Variants in CFAP54 observed in about 807,000 individuals in gnomAD.
CFAP54 encodes cilia and flagella associated protein 54.
Under a neutral mutation model 370.4 loss-of-function variants are expected in CFAP54, and 290 were observed. The observed-to-expected ratio is 0.78, with a 90% CI of 0.71 to 0.86. The LOEUF is 0.86. Among genes scored for constraint, CFAP54 ranks in the 40% least tolerant of loss-of-function variants. The probability of loss-of-function intolerance (pLI) is 0.00; values close to 1 mark genes in which losing one functional copy is unlikely to be tolerated. For synonymous variants in CFAP54, 1,206 were observed against 1,236.5 expected, an observed-to-expected ratio of 0.98 and a Z score of 0.52; for missense variants, 3,399 against 3,528.7, an observed-to-expected ratio of 0.96 and a Z score of 0.93.
chr12:96,556,373 TATTTGCA>T (rs2136402773), intron 17 of CFAP54, among the ~76,000 whole-genome samples: 1 of 151,544 alleles, frequency 6.6e-6, no homozygotes, highest in Non-Finnish European at 1.5e-5. Flanking sequence ...CTAGGAGAAA[TATTTGCA>T]ATTTATATTT....
intron 2 of CFAP54, among the ~76,000 whole-genome samples, chr12:96,503,227 T>C (rs558960964): frequency 1.5e-5 from 2 of 133,984 alleles, no homozygotes; most frequent in African/African-American, 5.6e-5. Context: ...TCCTTTTTTT[T>C]CCTTCCTTTC....
intron 9 of CFAP54, among the ~76,000 whole-genome samples, chr12:96,530,933 G>A (rs1312083051): frequency 1.3e-5 from 2 of 152,134 alleles, no homozygotes; most frequent in African/African-American, 4.8e-5. Context: ...GGCTAAAGAT[G>A]TTAAACAGTT....
At chr12:96,746,936 G>A (rs926112249) in intron 55 of CFAP54, among the ~76,000 whole-genome samples, 8 of 152,102 alleles carry the variant, frequency 5.3e-5, no homozygotes, top group Non-Finnish European at 8.8e-5. Flanking sequence ...CTGCTTCCAG[G>A]AAACTTTTCC....
intron 25 of CFAP54, among the ~76,000 whole-genome samples, chr12:96,595,239 C>T (rs1489321763): frequency 6.6e-6 from 1 of 152,034 alleles, no homozygotes; most frequent in African/African-American, 2.4e-5. Flanking sequence ...GAGTCTCCTC[C>T]AGTATGCTGT....
At chr12:96,761,337 G>A (rs1958334382) in intron 58 of CFAP54, among the ~76,000 whole-genome samples, 1 of 151,942 alleles carries the variant, frequency 6.6e-6, no homozygotes, top group African/African-American at 2.4e-5. Flanking sequence ...CATTAGCTTT[G>A]AGAGTTTTCT....
intron 25 of CFAP54, among the ~76,000 whole-genome samples, chr12:96,596,100 A>C (rs1592870830): frequency 6.6e-6 from 1 of 152,308 alleles, no homozygotes; most frequent in East Asian, 1.9e-4. Flanking sequence ...GTCTTGGGAC[A>C]AGACTTGAAA....
rs184800132 is a variant in CFAP54 at position 96,503,572 on chromosome 12, T to C, written c.424-314T>C. On this transcript the variant is annotated intron_variant, in intron 2 of 67. Transcript: ENST00000524981. Reference sequence around the variant, plus strand: ...GTGGGTTACCATGATCTGATGATGCTGAATTTTGGAACCTGGGTTTTGAGT... The same window carrying C: ...GTGGGTTACCATGATCTGATGATGCCGAATTTTGGAACCTGGGTTTTGAGT... Among the ~76,000 whole-genome samples, 5 of 152,264 alleles carry C rather than the reference T, an allele frequency of 3.3e-5. No homozygotes were observed. In the East Asian group the frequency reaches 7.7e-4, roughly 24 times the overall value.
intron 36 of CFAP54, among the ~76,000 whole-genome samples, chr12:96,656,069 A>G (rs919236772): frequency 2.0e-5 from 3 of 152,166 alleles, no homozygotes; most frequent in Non-Finnish European, 4.4e-5. Context: ...GCTTCATTAT[A>G]TTATTTTCCC....
intron 58 of CFAP54, among the ~76,000 whole-genome samples, chr12:96,759,517 T>G (rs1365789407): frequency 1.3e-5 from 2 of 152,208 alleles, no homozygotes; most frequent in African/African-American, 4.8e-5. Flanking sequence ...ATAGAATTAT[T>G]GGAAGCACAG....
chr12:96,692,353 A>G (rs904990824), intron 44 of CFAP54, among the ~76,000 whole-genome samples: 1 of 152,176 alleles, frequency 6.6e-6, no homozygotes, highest in East Asian at 1.9e-4. Flanking sequence ...TTAGCTGCCT[A>G]GTCATATTCG....
intron 14 of CFAP54, among the ~76,000 whole-genome samples, chr12:96,545,151 G>C (rs1955624650): frequency 6.6e-6 from 1 of 152,102 alleles, no homozygotes; most frequent in African/African-American, 2.4e-5. Context: ...GACCTCAGGT[G>C]ATCCACCCTC....
At chr12:96,758,059 A>G (rs866044136) in intron 58 of CFAP54, among the ~76,000 whole-genome samples, 10 of 152,184 alleles carry the variant, frequency 6.6e-5, no homozygotes, top group Non-Finnish European at 1.3e-4. Context: ...TTGAGCATCT[A>G]CTATGATCCA....
intron 23 of CFAP54, among the ~76,000 whole-genome samples, chr12:96,590,596 A>G (rs1489502074): frequency 3.3e-5 from 5 of 152,210 alleles, no homozygotes; most frequent in African/African-American, 7.2e-5. Flanking sequence ...AGCATTTTCT[A>G]TGTACAAGGA....
chr12:96,834,161 GA>G (rs1959178915), intron 66 of CFAP54, among the ~76,000 whole-genome samples: 1 of 152,202 alleles, frequency 6.6e-6, no homozygotes. Flanking sequence ...AGTGAAGGTT[GA>G]AAGTGTAGAT....
At chr12:96,860,709 T>C in intron 66 of CFAP54, 110 bp from the exon 67 acceptor site, 2 of 1,122,388 alleles carry the variant, frequency 1.8e-6, no homozygotes, top group East Asian at 5.4e-5. Context: ...GACACACAAG[T>C]TAGCTATCTT....
At chr12:96,663,313 T>C (rs1957017428) in intron 38 of CFAP54, among the ~76,000 whole-genome samples, 1 of 152,054 alleles carries the variant, frequency 6.6e-6, no homozygotes, top group Non-Finnish European at 1.5e-5. Context: ...GAGAAGAGGG[T>C]CTTGGGCCCT....
intron 36 of CFAP54, among the ~76,000 whole-genome samples, chr12:96,652,517 A>G (rs1186930572): frequency 3.3e-5 from 5 of 152,220 alleles, no homozygotes; most frequent in Non-Finnish European, 4.4e-5. Context: ...TGAAAAGTCA[A>G]CGAAGTAAAA....
At chr12:96,659,199 A>G (rs1292827117) in intron 38 of CFAP54, among the ~76,000 whole-genome samples, 4 of 152,236 alleles carry the variant, frequency 2.6e-5, no homozygotes, top group Admixed American at 6.5e-5. Flanking sequence ...TTCTGCCCCA[A>G]TTTCCAATGT....
intron 50 of CFAP54, among the ~76,000 whole-genome samples, chr12:96,723,996 A>G (rs1270171645): frequency 6.6e-6 from 1 of 151,820 alleles, no homozygotes; most frequent in Non-Finnish European, 1.5e-5. Flanking sequence ...TGTCCCTACA[A>G]AGGACATGAT....
Sources: gnomAD v4.1 joint callset for allele counts (sites outside exome capture counted in the v4.1 genomes callset) on GRCh38, gnomAD v4.1.1 for gene constraint, MANE v1.5 for transcripts, NCBI Gene and HGNC (gene_info 2026-07-23, HGNC 2026-07-21) for gene names.